Variants in DOCK8 observed in about 807,000 individuals in gnomAD.
DOCK8 encodes the protein dedicator of cytokinesis protein 8.
A neutral mutation model predicts 245.6 loss-of-function variants in DOCK8; 141 were observed. The ratio of observed to expected loss-of-function variants is 0.57; its 90% confidence interval spans 0.50 to 0.66. DOCK8 has a LOEUF of 0.66. Among genes scored for constraint, DOCK8 ranks in the 30% least tolerant of loss-of-function variants. The probability of loss-of-function intolerance (pLI) is 0.00; values close to 1 mark genes in which losing one functional copy is unlikely to be tolerated. For missense variants in DOCK8, 2,965 were observed against 2,603.4 expected, an observed-to-expected ratio of 1.14 and a Z score of -3.02; for synonymous variants, 1,168 against 970.2, an observed-to-expected ratio of 1.20 and a Z score of -3.79.
intron 26 of DOCK8, among the ~76,000 whole-genome samples, chr9:400,051 A>C (rs1323838307): frequency 9.4e-6 from 1 of 106,950 alleles, no homozygotes; most frequent in Non-Finnish European, 1.8e-5. Context: ...CACCTCCACC[A>C]TCACCACCTC....
intron 42 of DOCK8, among the ~76,000 whole-genome samples, chr9:442,806 A>G (rs1186408919): frequency 6.6e-6 from 1 of 151,242 alleles, no homozygotes; most frequent in Non-Finnish European, 1.5e-5. Flanking sequence ...TTAGGCTTTC[A>G]TTGCTTTGAA....
intron 46 of DOCK8, among the ~76,000 whole-genome samples, chr9:457,932 A>C (rs1564091975): frequency 1.3e-5 from 2 of 152,144 alleles, no homozygotes; most frequent in Non-Finnish European, 2.9e-5. Context: ...TGACATGAAG[A>C]GGTTAAGTAG....
At chr9:412,432 A>G (rs2055783647) in intron 28 of DOCK8, among the ~76,000 whole-genome samples, 1 of 151,512 alleles carries the variant, frequency 6.6e-6, no homozygotes, top group Non-Finnish European at 1.5e-5. Context: ...GAAAAAGAAG[A>G]AAAGAAAAGA....
At chr9:367,854 G>A (rs1306940094) in intron 14 of DOCK8, among the ~76,000 whole-genome samples, 164 bp from the exon 15 acceptor site, 2 of 152,132 alleles carry the variant, frequency 1.3e-5, no homozygotes, top group Non-Finnish European at 1.5e-5. Flanking sequence ...TAGCTGAAGA[G>A]GAAGAATCAA....
intron 20 of DOCK8, among the ~76,000 whole-genome samples, chr9:377,644 C>T (rs2053574276): frequency 6.6e-6 from 1 of 152,208 alleles, no homozygotes; most frequent in Non-Finnish European, 1.5e-5. Flanking sequence ...CATAAACTCA[C>T]TATTTTAAAG....
intron 2 of DOCK8, among the ~76,000 whole-genome samples, chr9:277,460 A>AAGAGAAGGGAGGGGAGGGGAGGG (rs1563865154): frequency 8.2e-5 from 5 of 60,758 alleles, no homozygotes; most frequent in Admixed American, 4.8e-4. Context: ...AGAGAAAGAG[A>AAGAGAAGGGAGGGGAGGGGAGGG]GAAGAGAAGA....
rs777431770 is a variant in DOCK8 at position 379,919 on chromosome 9, G to A, written c.2589G>A (p.Arg863=). ...HYVFRLPEVQ[R]DVPKSGAPTA... The stretch of plus-strand genomic sequence containing the variant: ...TCTTCCGCCTGCCAGAGGTGCAAAG[G>A]GATGTGCCCAAGTCAGGTAGAGTTG... The change falls in exon 21 of 48, where the codon AGG becomes AGA. Residue 863 remains arginine, a synonymous_variant. Transcript: ENST00000432829. The A allele has an allele frequency of 1.9e-6, 3 of 1,613,848 alleles. No homozygotes were observed. The highest frequency in any genetic ancestry group is 1.7e-5 in the Admixed American group (1 of 59,998).
chr9:403,876 C>CAT (rs2055234458), intron 26 of DOCK8, among the ~76,000 whole-genome samples: 2 of 88,736 alleles, frequency 2.3e-5, no homozygotes, highest in African/African-American at 1.3e-4. Flanking sequence ...CTCTCTCTCT[C>CAT]TCTCTCTCTC....
chr9:268,912 A>G (rs140632272), intron 1 of DOCK8, among the ~76,000 whole-genome samples: 3 of 152,364 alleles, frequency 2.0e-5, no homozygotes, highest in South Asian at 2.1e-4. Context: ...TTTTTAAAAC[A>G]TTGGTGACTG....
chr9:222,197 A>T (rs1309954995), intron 1 of DOCK8, among the ~76,000 whole-genome samples: 4 of 151,996 alleles, frequency 2.6e-5, no homozygotes, highest in Admixed American at 2.6e-4. Flanking sequence ...CAGGAGTTTG[A>T]GGCTGCAGTG....
At chr9:219,935 G>A (rs1340877591) in intron 1 of DOCK8, among the ~76,000 whole-genome samples, 1 of 152,102 alleles carries the variant, frequency 6.6e-6, no homozygotes, top group Non-Finnish European at 1.5e-5. Flanking sequence ...TGGGCATAAC[G>A]ACCAGAGCAC....
chr9:333,457 C>A (rs541743332), intron 10 of DOCK8, among the ~76,000 whole-genome samples: 1 of 152,066 alleles, frequency 6.6e-6, no homozygotes, highest in Non-Finnish European at 1.5e-5. Context: ...AAAAATTAGC[C>A]GGGCATGGTG....
intron 29 of DOCK8, among the ~76,000 whole-genome samples, chr9:417,209 A>G (rs1488222841): frequency 6.6e-6 from 1 of 152,172 alleles, no homozygotes; most frequent in African/African-American, 2.4e-5. Context: ...AGGAGGATGG[A>G]GGGGCAGAGA....
At chr9:456,388 A>T (rs923510948) in intron 46 of DOCK8, 1 of 152,260 alleles carries the variant, frequency 6.6e-6, no homozygotes, top group Non-Finnish European at 1.5e-5. Flanking sequence ...GGGCTTGAAC[A>T]GCTCTCAGGT....
intron 1 of DOCK8, among the ~76,000 whole-genome samples, chr9:231,788 G>T (rs1014819084): frequency 1.3e-5 from 2 of 152,132 alleles, no homozygotes; most frequent in African/African-American, 4.8e-5. Flanking sequence ...TCATCTTGAG[G>T]AGATTTTGGG....
rs1413798343 is a variant in DOCK8 at position 324,786 on chromosome 9, C to A, written c.828-885C>A. On this transcript the variant is annotated intron_variant, in intron 7 of 47. Transcript: ENST00000432829. Reference sequence around the variant, plus strand: ...TTTTCTTTTGTTGCCATCTGAAAAGCCCCATTCCTTAGAATTGAATAATAC... The same window carrying A: ...TTTTCTTTTGTTGCCATCTGAAAAGACCCATTCCTTAGAATTGAATAATAC... Among the ~76,000 whole-genome samples, 3 of 152,140 alleles carry A rather than the reference C, an allele frequency of 2.0e-5. No individual in the cohort carries two copies. The East Asian group carries it at 5.8e-4, about 29-fold the overall frequency.
At chr9:273,006 C>G in intron 2 of DOCK8, 1 of 984,660 alleles carries the variant, frequency 1.0e-6, no homozygotes, top group Non-Finnish European at 1.2e-6. Context: ...CCACTTCTGC[C>G]TTAGAAATTT....
chr9:272,233 A>G (rs867928356), intron 2 of DOCK8, among the ~76,000 whole-genome samples: 5 of 152,180 alleles, frequency 3.3e-5, no homozygotes, highest in African/African-American at 1.2e-4. Context: ...CAGTCAAGAT[A>G]TAGAACACTT....
intron 22 of DOCK8, among the ~76,000 whole-genome samples, chr9:385,623 G>A (rs113305973): frequency 7.9e-5 from 12 of 152,260 alleles, no homozygotes; most frequent in Non-Finnish European, 1.3e-4. Flanking sequence ...CAGTTATGAT[G>A]AAAGTATTTG....
Sources: allele counts gnomAD v4.1 joint callset (sites outside exome capture counted in the v4.1 genomes callset), GRCh38; gene constraint gnomAD v4.1.1; transcripts MANE v1.5; gene names NCBI Gene and HGNC (gene_info 2026-07-23, HGNC 2026-07-21).